Variants in FAM13A observed in about 807,000 individuals in gnomAD.
The protein encoded by FAM13A is protein FAM13A.
Under a neutral mutation model 129.6 loss-of-function variants are expected in FAM13A, and 76 were observed. The ratio of observed to expected loss-of-function variants is 0.59; its 90% CI spans 0.49 to 0.71. The LOEUF is 0.71. FAM13A is among the 30% of genes least tolerant of loss of function. FAM13A has a pLI of 0.00. For missense variants in FAM13A, 1,108 were observed against 1,249.3 expected, an observed-to-expected ratio of 0.89 and a Z score of 1.70; for synonymous variants, 443 against 449.9, an observed-to-expected ratio of 0.98 and a Z score of 0.20.
intron 3 of FAM13A, among the ~76,000 whole-genome samples, chr4:89,016,289 T>C (rs1297242760): frequency 6.6e-6 from 1 of 152,050 alleles, no homozygotes; most frequent in African/African-American, 2.4e-5. Flanking sequence ...TTTGTAGAGC[T>C]ATGCAAGGTA....
At chr4:88,873,653 C>T (rs935155184) in intron 6 of FAM13A, among the ~76,000 whole-genome samples, 10 of 152,216 alleles carry the variant, frequency 6.6e-5, no homozygotes, top group Middle Eastern at 6.8e-3. Flanking sequence ...TAATTAATAG[C>T]CTACCAACCA....
intron 6 of FAM13A, among the ~76,000 whole-genome samples, chr4:88,894,318 T>C (rs1284162024): frequency 1.3e-5 from 2 of 152,114 alleles, no homozygotes; most frequent in Non-Finnish European, 2.9e-5. Flanking sequence ...TGGGGAAAAA[T>C]TAGAATAACA....
intron 5 of FAM13A, among the ~76,000 whole-genome samples, chr4:88,921,836 A>G (rs1246638): frequency 0.18 from 28,049 of 152,096 alleles, 2,760 homozygotes; most frequent in African/African-American, 0.2. Flanking sequence ...CATAGGCTCA[A>G]AATAAAAGGA....
chr4:88,922,128 A>T lies in FAM13A; in HGVS notation c.760-15666T>A, dbSNP rs563857586. Among the ~76,000 whole-genome samples the T allele has an allele frequency of 6.6e-5, 10 of 152,026 alleles. No individual in the cohort carries two copies. The South Asian group carries it at 2.1e-3, about 31-fold the overall frequency. Reference sequence around the variant, plus strand: ...GAGATTTTAACACCCCACTGTCAACATTAGACAGATCAATGAGACAGAAAG... The same window carrying T: ...GAGATTTTAACACCCCACTGTCAACTTTAGACAGATCAATGAGACAGAAAG... On this transcript the variant is annotated intron_variant, in intron 5 of 23. Coordinates refer to ENST00000264344, the MANE Select transcript of FAM13A (RefSeq NM_014883.4).
rs189096463 is a variant in FAM13A, at chr4:89,015,948, A to G, written c.427+4512T>C. ...TACGTGTATGTTAATTATAACACAG[A>G]CTCATACACATATACATACATACAT... On this transcript the variant is annotated intron_variant, in intron 3 of 23. Coordinates refer to ENST00000264344, the MANE Select transcript of FAM13A (RefSeq NM_014883.4). Among the ~76,000 whole-genome samples the G allele has an allele frequency of 8.9e-3, 1,361 of 152,246 alleles. 9 individuals are homozygous for G. Among genetic ancestry groups the G allele is most frequent in the Non-Finnish European group, 0.016 (1,095 of 68,016 alleles).
chr4:88,819,388 G>A (rs1452848740), intron 7 of FAM13A, among the ~76,000 whole-genome samples: 1 of 152,166 alleles, frequency 6.6e-6, no homozygotes, highest in Non-Finnish European at 1.5e-5. Context: ...TTACTGGAAA[G>A]TTAGTCTAGC....
At chr4:88,914,834 T>C (rs899390228) in intron 5 of FAM13A, among the ~76,000 whole-genome samples, 2 of 152,232 alleles carry the variant, frequency 1.3e-5, no homozygotes, top group African/African-American at 2.4e-5. Flanking sequence ...CAACTTCACA[T>C]TTCCCTTCCT....
chr4:88,938,003 T>C lies in FAM13A; in HGVS notation c.759+85A>G, dbSNP rs758051213. 5.1e-6 allele frequency: 5 copies of C among 978,858 alleles called. No homozygotes were observed. The East Asian group carries it at 7.2e-5, about 14-fold the overall frequency. The allele number at this position is 978,858 out of a possible 1,614,324, so 60.6% of individuals were successfully genotyped here. A position where few individuals can be genotyped will look rare whatever the true frequency, so the allele number is the denominator to read the frequency against. Reference sequence around the variant, plus strand: ...AATAATAATCTGAGGGTTATATCCATATGGAATTTTTATGAGAAAGAATTA... The same window carrying C: ...AATAATAATCTGAGGGTTATATCCACATGGAATTTTTATGAGAAAGAATTA... On this transcript the variant is annotated intron_variant, in intron 5 of 23. Transcript: ENST00000264344.
intron 4 of FAM13A, among the ~76,000 whole-genome samples, chr4:88,972,000 A>C (rs1560595200): frequency 6.6e-6 from 1 of 152,136 alleles, no homozygotes; most frequent in East Asian, 1.9e-4. Context: ...TGCTTGTATC[A>C]TTTGTGTCAT....
chr4:89,006,965 C>T (rs1765126823), intron 3 of FAM13A, among the ~76,000 whole-genome samples: 1 of 152,108 alleles, frequency 6.6e-6, no homozygotes, highest in Non-Finnish European at 1.5e-5. Context: ...GTCTGGGGTT[C>T]ATATGGGCAC....
At chr4:88,910,108 C>T (rs1748844065) in intron 5 of FAM13A, among the ~76,000 whole-genome samples, 1 of 152,132 alleles carries the variant, frequency 6.6e-6, no homozygotes, top group Non-Finnish European at 1.5e-5. Flanking sequence ...AATCTTATTA[C>T]TAGTTGGAAT....
intron 13 of FAM13A, 179 bp from the exon 14 acceptor site, chr4:88,759,080 A>G (rs1744288340): frequency 3.4e-6 from 2 of 583,464 alleles, no homozygotes; most frequent in Admixed American, 6.0e-5. Flanking sequence ...TTGCATGCAG[A>G]AAGCAACTGT....
intron 8 of FAM13A, among the ~76,000 whole-genome samples, chr4:88,798,130 C>T (rs1301470686): frequency 6.6e-6 from 1 of 152,122 alleles, no homozygotes; most frequent in Admixed American, 6.6e-5. Context: ...TTTGAAGAGC[C>T]AGTATCTGAA....
chr4:88,897,191 T>C (rs1432979015), intron 6 of FAM13A, among the ~76,000 whole-genome samples: 1 of 152,240 alleles, frequency 6.6e-6, no homozygotes, highest in African/African-American at 2.4e-5. Flanking sequence ...TTCTACATTC[T>C]ATACCTCTTT....
At chr4:88,781,123 A>G (rs2290785) in intron 11 of FAM13A, 42 bp downstream of exon 11, 25 of 1,322,468 alleles carry the variant, frequency 1.9e-5, no homozygotes, top group East Asian at 5.0e-5. Flanking sequence ...AAGAGATGTA[A>G]TATTTCCTAA....
intron 7 of FAM13A, among the ~76,000 whole-genome samples, chr4:88,816,842 G>A (rs187660609): frequency 5.3e-5 from 8 of 152,284 alleles, no homozygotes; most frequent in Admixed American, 3.9e-4. Context: ...CTGGAAAATG[G>A]AAGCTATAAT....
chr4:88,844,693 A>G (rs1000817224), intron 7 of FAM13A, among the ~76,000 whole-genome samples: 3 of 152,168 alleles, frequency 2.0e-5, no homozygotes, highest in African/African-American at 7.2e-5. Context: ...AGGGCAGGGC[A>G]AGCGGTTCCT....
chr4:88,940,945 T>C (rs1754660246), intron 4 of FAM13A, among the ~76,000 whole-genome samples: 1 of 152,180 alleles, frequency 6.6e-6, no homozygotes, highest in African/African-American at 2.4e-5. Context: ...ACAGAGAGGA[T>C]ACAAAATGAA....
chr4:88,931,835 A>G (rs937035348), intron 5 of FAM13A, among the ~76,000 whole-genome samples: 1 of 152,250 alleles, frequency 6.6e-6, no homozygotes, highest in Non-Finnish European at 1.5e-5. Flanking sequence ...GCTCAAAATG[A>G]TAACATATAG....
Sources: allele counts gnomAD v4.1 joint callset (sites outside exome capture counted in the v4.1 genomes callset), GRCh38; gene constraint gnomAD v4.1.1; transcripts MANE v1.5; gene names NCBI Gene and HGNC (gene_info 2026-07-23, HGNC 2026-07-21).